RNF128: variants seen among roughly 807,000 people sequenced by gnomAD.
RNF128 encodes the protein ring finger protein 128.
Under a neutral mutation model 26.2 loss-of-function variants are expected in RNF128, and 13 were observed. The ratio of observed to expected loss-of-function variants is 0.50; its 90% CI spans 0.32 to 0.79. The LOEUF (loss-of-function observed/expected upper bound fraction) is 0.79, where lower values mean the gene tolerates loss of function less well. RNF128 is among the 30% of genes least tolerant of loss of function. RNF128 has a pLI of 0.03. For missense variants in RNF128, 315 were observed against 349.7 expected (o/e 0.90, Z 0.79); for synonymous variants, 149 against 142.5 (o/e 1.05, Z -0.32).
At chrX:106,769,102 T>C (rs2147692939) in intron 1 of RNF128, among the ~76,000 whole-genome samples, 1 of 112,185 alleles carries the variant, frequency 8.9e-6, no homozygotes, top group African/African-American at 3.2e-5. Flanking sequence ...TTTCTGTTCT[T>C]TTACATTTGC....
intron 1 of RNF128, among the ~76,000 whole-genome samples, chrX:106,714,598 T>C (rs1467653713): frequency 1.8e-5 from 2 of 111,248 alleles, no homozygotes; most frequent in Admixed American, 1.9e-4. Flanking sequence ...TTCTGCACAA[T>C]TTTATCACAT....
At chrX:106,705,183 T>C (rs1047688742) in intron 1 of RNF128, among the ~76,000 whole-genome samples, 1 of 111,660 alleles carries the variant, frequency 9.0e-6, no homozygotes, top group African/African-American at 3.3e-5. Flanking sequence ...AACTGCTTTA[T>C]AGTCTTAATC....
intron 1 of RNF128, among the ~76,000 whole-genome samples, chrX:106,700,314 G>T (rs961126429): frequency 2.7e-5 from 3 of 111,042 alleles, no homozygotes; most frequent in African/African-American, 9.8e-5. Flanking sequence ...GTGAGCCGTC[G>T]CACTTGGCCT....
rs1212532370 is a variant in RNF128, at chrX:106,756,274, A to G, written c.485-16639A>G. On this transcript the variant is annotated intron_variant, in intron 1 of 6. Coordinates refer to ENST00000255499, the MANE Select transcript of RNF128 (RefSeq NM_194463.2). ...ATGGAATCAAAAAAGAGCCCGCATC[A>G]CCAAGTCAATCCTAAACCAAAAGAA... Among the ~76,000 whole-genome samples the G allele has an allele frequency of 2.2e-3, 250 of 111,485 alleles. 4 individuals carry two copies. The highest frequency in any genetic ancestry group is 6.2e-3 in the African/African-American group (191 of 30,692).
chrX:106,714,360 C>T (rs768227939), intron 1 of RNF128, among the ~76,000 whole-genome samples: 15 of 111,055 alleles, frequency 1.4e-4, no homozygotes, highest in Non-Finnish European at 2.6e-4. Flanking sequence ...CTACAATCAA[C>T]ATGTATTCCT....
chrX:106,759,952 A>T (rs923007235), intron 1 of RNF128, among the ~76,000 whole-genome samples: 1 of 111,824 alleles, frequency 8.9e-6, no homozygotes, highest in South Asian at 3.7e-4. Flanking sequence ...TGTTTGTAAC[A>T]CAAAGAAAAT....
chrX:106,727,971 T>C (rs1487328144), intron 1 of RNF128, among the ~76,000 whole-genome samples: 1 of 111,752 alleles, frequency 8.9e-6, no homozygotes, highest in African/African-American at 3.3e-5. Flanking sequence ...TTGGTATCAG[T>C]GCTTTTGTTT....
chrX:106,723,582 A>T (rs186486945), upstream of RNF128, among the ~76,000 whole-genome samples: 1 of 110,533 alleles, frequency 9.0e-6, no homozygotes, highest in African/African-American at 3.3e-5. Context: ...ATATATATAT[A>T]TATGTATGTA....
At chrX:106,772,722 G>A (rs952283316) in intron 1 of RNF128, among the ~76,000 whole-genome samples, 191 bp from the exon 2 acceptor site, 2 of 110,921 alleles carry the variant, frequency 1.8e-5, no homozygotes, top group Non-Finnish European at 3.8e-5. Flanking sequence ...CCTAAAATCG[G>A]TAACCAAATC....
intron 1 of RNF128, among the ~76,000 whole-genome samples, chrX:106,708,216 T>A (rs1364395333): frequency 8.9e-6 from 1 of 112,024 alleles, no homozygotes; most frequent in Non-Finnish European, 1.9e-5. Flanking sequence ...AGCTATTTGA[T>A]GTCTCATCTT....
At chrX:106,725,807 G>A (rs757623430), upstream of RNF128, among the ~76,000 whole-genome samples, 7 of 112,893 alleles carry the variant, frequency 6.2e-5, no homozygotes, top group Non-Finnish European at 9.4e-5. Flanking sequence ...CTATCAGACA[G>A]CAGGTATATT....
At chrX:106,715,793 GTA>G (rs1408799701) in intron 1 of RNF128, among the ~76,000 whole-genome samples, 2 of 111,604 alleles carry the variant, frequency 1.8e-5, no homozygotes, top group East Asian at 5.6e-4. Context: ...AGTCCAAGTT[GTA>G]TACCTACCTG....
At chrX:106,694,901 T>C (rs1175598180) in intron 1 of RNF128, among the ~76,000 whole-genome samples, 1 of 111,357 alleles carries the variant, frequency 9.0e-6, no homozygotes, top group East Asian at 2.8e-4. Flanking sequence ...GCTTGTAAGA[T>C]TTGAATCTTT....
At chrX:106,774,570 T>C (rs1205983165) in intron 2 of RNF128, among the ~76,000 whole-genome samples, 1 of 112,550 alleles carries the variant, frequency 8.9e-6, no homozygotes, top group Non-Finnish European at 1.9e-5. Flanking sequence ...TATTCCTTTT[T>C]TTCTGTCACC....
chrX:106,794,386 T>C (rs1441597974), intron 6 of RNF128, among the ~76,000 whole-genome samples: 1 of 111,584 alleles, frequency 9.0e-6, no homozygotes, highest in Non-Finnish European at 1.9e-5. Flanking sequence ...TGTTAGGCTT[T>C]GAAGGCCTTA....
intron 4 of RNF128, 87 bp downstream of exon 4, chrX:106,788,087 CAA>C: frequency 2.2e-6 from 1 of 458,263 alleles, no homozygotes; most frequent in Non-Finnish European, 3.4e-6. Context: ...TGAATATTTC[CAA>C]ATTAATGTAA....
chrX:106,709,115 C>G (rs1009301096), intron 1 of RNF128, among the ~76,000 whole-genome samples: 1 of 111,680 alleles, frequency 9.0e-6, no homozygotes, highest in Non-Finnish European at 1.9e-5. Context: ...AACTTGCCTA[C>G]TTCAAGCAAG....
At position 106,739,102 on chromosome X, in the gene RNF128, A is replaced by ATTCTC. The variant is rs1330679056; in HGVS notation, c.484+11719_484+11723dup. 8.4e-4 allele frequency among the ~76,000 whole-genome samples: 92 copies of ATTCTC among 109,752 alleles called. 1 individual carries two copies. Among genetic ancestry groups the ATTCTC allele is most frequent in the African/African-American group, 2.4e-3 (71 of 30,165 alleles). ...AGACACTTAACAATTTCTCTCTTCT[A>ATTCTC]TTCTCTTCTCTTCTCTTCCTTCCTT... On this transcript the variant is annotated intron_variant, in intron 1 of 6. Coordinates refer to ENST00000255499, the MANE Select transcript of RNF128 (RefSeq NM_194463.2).
At chrX:106,779,346 T>TAC (rs1441293852) in intron 2 of RNF128, among the ~76,000 whole-genome samples, 3 of 88,853 alleles carry the variant, frequency 3.4e-5, no homozygotes, top group African/African-American at 1.4e-4. Flanking sequence ...CCTACACAGT[T>TAC]ACGTGTGTGT....
Sources: gnomAD v4.1 joint callset for allele counts (sites outside exome capture counted in the v4.1 genomes callset) on GRCh38, gnomAD v4.1.1 for gene constraint, MANE v1.5 for transcripts, NCBI Gene and HGNC (gene_info 2026-07-23, HGNC 2026-07-21) for gene names.